GMCL1: variants seen among roughly 807,000 people sequenced by gnomAD.
GMCL1 encodes germ cell-less 1, spermatogenesis associated.
In GMCL1, 54 loss-of-function variants were observed where a neutral mutation model predicts 75.5. The observed-to-expected ratio is 0.71, with a 90% CI of 0.57 to 0.90. The LOEUF (loss-of-function observed/expected upper bound fraction) is 0.90, where lower values mean the gene tolerates loss of function less well. GMCL1 is among the 40% of genes least tolerant of loss of function. GMCL1 has a pLI of 0.00. For missense variants in GMCL1, 537 were observed against 622.7 expected, an observed-to-expected ratio of 0.86 and a Z score of 1.47; for synonymous variants, 210 against 209.6, an observed-to-expected ratio of 1.00 and a Z score of -0.02.
chr2:69,839,131 G>A (rs1437133591), intron 2 of GMCL1, among the ~76,000 whole-genome samples: 1 of 131,492 alleles, frequency 7.6e-6, no homozygotes, highest in Non-Finnish European at 1.5e-5. Context: ...AGCCATTCAG[G>A]TGTACAGTAA....
chr2:69,879,055 A>G lies in GMCL1; in HGVS notation c.*51A>G. 1.7e-6 allele frequency: 2 copies of G among 1,197,822 alleles called. No homozygotes were observed. The highest frequency in any genetic ancestry group is 2.5e-6 in the Non-Finnish European group (2 of 812,214). 74.2% of individuals were successfully genotyped at this position (1,197,822 alleles called of 1,614,324 possible). ...GAAAACTGAAGATTTCATCAGTTGG[A>G]AACAGTAGCACTTTGAAAACTTTTT... On this transcript the variant is annotated 3_prime_UTR_variant, in exon 14 of 14. Transcript: ENST00000282570.
At chr2:69,839,796 G>C (rs1360019305) in intron 3 of GMCL1, among the ~76,000 whole-genome samples, 1 of 151,778 alleles carries the variant, frequency 6.6e-6, no homozygotes, top group Non-Finnish European at 1.5e-5. Flanking sequence ...GCCCACCTGG[G>C]ATATGGAAGA....
At chr2:69,860,220 G>A (rs1022497911) in intron 9 of GMCL1, among the ~76,000 whole-genome samples, 1 of 151,910 alleles carries the variant, frequency 6.6e-6, no homozygotes, top group African/African-American at 2.4e-5. Flanking sequence ...AGAACTCCTG[G>A]GCTCAAGTGA....
At chr2:69,843,011 A>C in intron 4 of GMCL1, 138 bp from the exon 5 acceptor site, 2 of 281,986 alleles carry the variant, frequency 7.1e-6, no homozygotes, top group East Asian at 6.3e-5. Context: ...AAAAAAACTT[A>C]GGTTTGCTGC....
intron 7 of GMCL1, among the ~76,000 whole-genome samples, chr2:69,849,168 AT>A (rs1049975688): frequency 1.3e-5 from 2 of 151,488 alleles, no homozygotes; most frequent in East Asian, 1.9e-4. Context: ...CTGGACTATG[AT>A]TTTTTTTTCT....
chr2:69,833,302 C>T (rs962818818), intron 1 of GMCL1, among the ~76,000 whole-genome samples: 2 of 152,056 alleles, frequency 1.3e-5, no homozygotes, highest in East Asian at 1.9e-4. Flanking sequence ...CAGCCCAATA[C>T]GGATGCAGGG....
intron 9 of GMCL1, among the ~76,000 whole-genome samples, chr2:69,855,596 T>C (rs1675447674): frequency 6.6e-6 from 1 of 152,150 alleles, no homozygotes; most frequent in Admixed American, 6.5e-5. Flanking sequence ...AATTGTGACA[T>C]AGCTATATGT....
intron 13 of GMCL1, among the ~76,000 whole-genome samples, chr2:69,872,581 G>A (rs1031883583): frequency 6.6e-6 from 1 of 152,132 alleles, no homozygotes. Flanking sequence ...AAGTAACCCC[G>A]GAAGTGATCA....
intron 13 of GMCL1, among the ~76,000 whole-genome samples, chr2:69,872,489 C>T (rs1472905421): frequency 6.6e-6 from 1 of 152,136 alleles, no homozygotes; most frequent in Non-Finnish European, 1.5e-5. Context: ...GATTCAAAGC[C>T]TGTTATAGTT....
At chr2:69,832,241 ACTT>A (rs1674695529) in intron 1 of GMCL1, among the ~76,000 whole-genome samples, 1 of 151,770 alleles carries the variant, frequency 6.6e-6, no homozygotes, top group African/African-American at 2.4e-5. Context: ...AAAAATTCTG[ACTT>A]CTTGTCTGTA....
At chr2:69,852,893 A>T (rs895064304) in intron 8 of GMCL1, among the ~76,000 whole-genome samples, 1 of 152,198 alleles carries the variant, frequency 6.6e-6, no homozygotes, top group African/African-American at 2.4e-5. Context: ...TTTCAGATCT[A>T]TATGGATCAG....
chr2:69,838,774 C>T (rs1674896486), intron 2 of GMCL1, among the ~76,000 whole-genome samples: 2 of 152,280 alleles, frequency 1.3e-5, no homozygotes, highest in East Asian at 3.9e-4. Context: ...TCTGTTAAAA[C>T]TTTACCCCTC....
At chr2:69,830,815 T>C (rs1487578099) in intron 1 of GMCL1, among the ~76,000 whole-genome samples, 2 of 151,588 alleles carry the variant, frequency 1.3e-5, no homozygotes, top group Admixed American at 6.6e-5. Context: ...ACTTGTGACC[T>C]GGAATGTAGT....
Position 69,843,158 on chromosome 2 carries a change from A to G in GMCL1, c.589A>G (p.Ile197Val), listed in dbSNP as rs775252833. 6.2e-7 allele frequency: 1 copy of G among 1,607,052 alleles called. No individual in the cohort carries two copies. The highest frequency in any genetic ancestry group is 1.7e-5 in the Admixed American group (1 of 59,970). The part of the protein sequence containing the change: ...AACLLQLDGL[I>V]QQCGETMKET... ...TTATTTATATTTACAGGACGGTTTA[A>G]TACAGCAGTGTGGTGAGACAATGAA... is the stretch of plus-strand genomic sequence containing the variant. Residue 197 changes from isoleucine (I) to valine (V), a missense_variant, in exon 5 of 14, where the codon ATA becomes GTA. Ile to Val is a conservative substitution (Grantham distance 29). Around this residue, in one of 3 missense-constraint regions of GMCL1, gnomAD observed 345 missense variants for 410.5 expected, o/e 0.84. Coordinates refer to ENST00000282570, the MANE Select transcript of GMCL1 (RefSeq NM_178439.5).
At chr2:69,854,372 C>T (rs1675410719) in intron 8 of GMCL1, among the ~76,000 whole-genome samples, 1 of 152,148 alleles carries the variant, frequency 6.6e-6, no homozygotes. Context: ...AACTAGTGTT[C>T]ATTACATGTA....
At chr2:69,832,042 G>A (rs1057277345) in intron 1 of GMCL1, among the ~76,000 whole-genome samples, 1 of 152,090 alleles carries the variant, frequency 6.6e-6, no homozygotes, top group African/African-American at 2.4e-5. Context: ...CCAACATGGC[G>A]AAACCCTGTC....
At chr2:69,866,377 T>C (rs1675818197) in intron 11 of GMCL1, among the ~76,000 whole-genome samples, 1 of 152,220 alleles carries the variant, frequency 6.6e-6, no homozygotes, top group Non-Finnish European at 1.5e-5. Flanking sequence ...AAAATCAACC[T>C]TATATAGATA....
At chr2:69,852,114 G>C (rs192404949) in intron 8 of GMCL1, among the ~76,000 whole-genome samples, 280 of 152,316 alleles carry the variant, frequency 1.8e-3, no homozygotes, top group African/African-American at 6.3e-3. Context: ...AAAGAGACAA[G>C]GATGGTGAAG....
intron 13 of GMCL1, among the ~76,000 whole-genome samples, chr2:69,877,118 A>T (rs535785184): frequency 6.6e-6 from 1 of 152,350 alleles, no homozygotes; most frequent in South Asian, 2.1e-4. Context: ...TGTGGGCTCC[A>T]CAGATTCCAT....
Sources: gnomAD v4.1 joint callset for allele counts (sites outside exome capture counted in the v4.1 genomes callset) on GRCh38, gnomAD v4.1.1 for gene constraint, gnomAD v4.1.1 regional missense constraint, MANE v1.5 for transcripts, NCBI Gene and HGNC (gene_info 2026-07-23, HGNC 2026-07-21) for gene names.